Variants in TMEM132D observed in about 807,000 individuals in gnomAD.
TMEM132D encodes mature OL transmembrane protein.
Under a neutral mutation model 62.3 loss-of-function variants are expected in TMEM132D, and 21 were observed. The observed-to-expected ratio is 0.34, with a 90% CI of 0.24 to 0.49. TMEM132D has a LOEUF of 0.49. TMEM132D is among the 20% of genes least tolerant of loss of function. TMEM132D has a pLI of 0.99. For missense variants in TMEM132D, 1,346 were observed against 1,402.8 expected (o/e 0.96, Z 0.65); for synonymous variants, 621 against 575.6 (o/e 1.08, Z -1.13).
At chr12:129,725,699 G>A (rs1869008685) in intron 1 of TMEM132D, among the ~76,000 whole-genome samples, 2 of 152,186 alleles carry the variant, frequency 1.3e-5, no homozygotes, top group South Asian at 4.1e-4. Context: ...ACAAGATTTG[G>A]GGAGATAAAG....
chr12:129,215,170 G>A (rs1879166712), intron 4 of TMEM132D, among the ~76,000 whole-genome samples: 1 of 152,212 alleles, frequency 6.6e-6, no homozygotes, highest in East Asian at 1.9e-4. Flanking sequence ...GGACATGGTT[G>A]GAGCTGGAGG....
intron 1 of TMEM132D, among the ~76,000 whole-genome samples, chr12:129,877,611 G>GTGCACACA (rs1555238198): frequency 2.1e-5 from 2 of 94,944 alleles, no homozygotes; most frequent in African/African-American, 6.3e-5. Context: ...ACGCGCGCGC[G>GTGCACACA]CGCACACACA....
At chr12:129,337,491 C>T (rs1869329170) in intron 4 of TMEM132D, 143 bp downstream of exon 4, 6 of 806,574 alleles carry the variant, frequency 7.4e-6, no homozygotes, top group Non-Finnish European at 1.2e-5. Context: ...TGGCTATTGG[C>T]AGTCAACTTT....
At chr12:129,117,774 T>G (rs1402253979) in intron 5 of TMEM132D, among the ~76,000 whole-genome samples, 1 of 152,236 alleles carries the variant, frequency 6.6e-6, no homozygotes, top group African/African-American at 2.4e-5. Flanking sequence ...TTTAAGGATT[T>G]TTTTCTTTAA....
chr12:129,250,473 C>T (rs563417462), intron 4 of TMEM132D, among the ~76,000 whole-genome samples: 118 of 152,262 alleles, frequency 7.7e-4, no homozygotes, highest in African/African-American at 2.7e-3. Flanking sequence ...ACTTCAATTT[C>T]CTCAACAGCG....
intron 1 of TMEM132D, among the ~76,000 whole-genome samples, chr12:129,897,977 G>A (rs904584270): frequency 6.6e-6 from 1 of 152,172 alleles, no homozygotes; most frequent in Non-Finnish European, 1.5e-5. Flanking sequence ...GACTCTGCCT[G>A]TCTTTTATGT....
chr12:129,669,000 G>A (rs934956267), intron 2 of TMEM132D, among the ~76,000 whole-genome samples: 3 of 152,110 alleles, frequency 2.0e-5, no homozygotes, highest in Non-Finnish European at 4.4e-5. Flanking sequence ...ATTATCTTAC[G>A]TCCTCAAGAG....
At chr12:129,623,062 G>A (rs1281488733) in intron 2 of TMEM132D, among the ~76,000 whole-genome samples, 2 of 152,174 alleles carry the variant, frequency 1.3e-5, no homozygotes, top group Non-Finnish European at 2.9e-5. Flanking sequence ...GAAGGGGAGA[G>A]AGAGATGGAG....
intron 2 of TMEM132D, among the ~76,000 whole-genome samples, chr12:129,636,737 T>TGTGTGTGTGTGTGTGTGAGAGAGAGA (rs375868329): frequency 1.8e-5 from 2 of 113,562 alleles, no homozygotes; most frequent in African/African-American, 3.3e-5. Flanking sequence ...TGTGTGTGTG[T>TGTGTGTGTGTGTGTGTGAGAGAGAGA]GAGAGAGAGA....
At chr12:129,431,864 T>C (rs944563503) in intron 3 of TMEM132D, among the ~76,000 whole-genome samples, 1 of 152,192 alleles carries the variant, frequency 6.6e-6, no homozygotes, top group East Asian at 1.9e-4. Flanking sequence ...CTTTCTTGCT[T>C]TCCTTGAACA....
At chr12:129,177,034 A>C (rs1417904152) in intron 5 of TMEM132D, among the ~76,000 whole-genome samples, 1 of 152,214 alleles carries the variant, frequency 6.6e-6, no homozygotes, top group Non-Finnish European at 1.5e-5. Context: ...CATGGCTTGA[A>C]AATTCCTTAT....
In TMEM132D at chr12:129,659,529, A is replaced by C. The variant is rs566282614; in HGVS notation, c.968+40281T>G. On this transcript the variant is annotated intron_variant, in intron 2 of 8. Transcript: ENST00000422113. ...TTCGATTGAGCATAAGAGAGTAGTC[A>C]GTTTGAAAAGTTGTTATTTTGTGAA... is the stretch of plus-strand genomic sequence containing the variant. Among the ~76,000 whole-genome samples the C allele has an allele frequency of 1.4e-4, 21 of 152,296 alleles. No individual in the cohort carries two copies. The South Asian group carries it at 2.1e-3, about 15-fold the overall frequency.
intron 4 of TMEM132D, among the ~76,000 whole-genome samples, chr12:129,268,590 G>C (rs76831202): frequency 0.073 from 11,086 of 152,210 alleles, 575 homozygotes; most frequent in Admixed American, 0.17. Flanking sequence ...GTTGGTGGGA[G>C]TGTAAACTAG....
At chr12:129,631,835 C>T (rs933645901) in intron 2 of TMEM132D, among the ~76,000 whole-genome samples, 4 of 152,204 alleles carry the variant, frequency 2.6e-5, no homozygotes, top group African/African-American at 9.6e-5. Context: ...GAAAAAGATC[C>T]CCCCACCACA....
intron 4 of TMEM132D, among the ~76,000 whole-genome samples, chr12:129,266,353 TCTC>T (rs955090216): frequency 1.3e-5 from 2 of 151,350 alleles, no homozygotes; most frequent in African/African-American, 4.9e-5. Flanking sequence ...CTTCTATCCC[TCTC>T]CTTTCCTTTC....
chr12:129,389,026 C>T (rs1456971563), intron 3 of TMEM132D, among the ~76,000 whole-genome samples: 1 of 121,764 alleles, frequency 8.2e-6, no homozygotes, highest in Non-Finnish European at 1.8e-5. Flanking sequence ...AACACCAATC[C>T]AGCACGATAA....
intron 2 of TMEM132D, among the ~76,000 whole-genome samples, chr12:129,558,309 A>G (rs1468514596): frequency 6.6e-6 from 1 of 152,240 alleles, no homozygotes; most frequent in African/African-American, 2.4e-5. Flanking sequence ...AAAGCAAGTC[A>G]TGTGACCACA....
At chr12:129,610,137 G>A (rs530440734) in intron 2 of TMEM132D, among the ~76,000 whole-genome samples, 1 of 152,118 alleles carries the variant, frequency 6.6e-6, no homozygotes, top group Non-Finnish European at 1.5e-5. Context: ...TGGGTGTGGT[G>A]GTGGGTGCCT....
intron 1 of TMEM132D, among the ~76,000 whole-genome samples, chr12:129,773,597 G>A (rs113244223): frequency 1.6e-4 from 25 of 152,244 alleles, no homozygotes; most frequent in African/African-American, 1.7e-4. Flanking sequence ...AGAGGCTTGC[G>A]TGTCTGGAGG....
Sources: gnomAD v4.1 joint callset for allele counts (sites outside exome capture counted in the v4.1 genomes callset) on GRCh38, gnomAD v4.1.1 for gene constraint, MANE v1.5 for transcripts, NCBI Gene and HGNC (gene_info 2026-07-23, HGNC 2026-07-21) for gene names.